Variants in MBP observed in about 807,000 individuals in gnomAD.
MBP encodes Golli-MBP.
Under a neutral mutation model 35.8 loss-of-function variants are expected in MBP, and 16 were observed. That is an observed-to-expected ratio of 0.45 (90% CI 0.30 to 0.68). The LOEUF (loss-of-function observed/expected upper bound fraction) is 0.68, where lower values mean the gene tolerates loss of function less well. Among genes scored for constraint, MBP ranks in the 30% least tolerant of loss-of-function variants. The pLI is 0.08. For missense variants in MBP, 380 were observed against 404.7 expected (o/e 0.94, Z 0.52); for synonymous variants, 143 against 159.6 (o/e 0.90, Z 0.78).
Position 76,989,618 on chromosome 18 carries a change from T to A in MBP, c.681+338A>T. 1 of 311,962 alleles carries A rather than the reference T, an allele frequency of 3.2e-6. No homozygotes were observed. The highest frequency in any genetic ancestry group is 6.1e-6 in the Non-Finnish European group (1 of 163,458). 19.3% of individuals were successfully genotyped at this position (311,962 alleles called of 1,614,324 possible). Reference sequence around the variant, plus strand: ...CCCTAAAAATGCCCTGTGCTCTCTCTGCTGCCCCCTCCGCTCCCAGCCCAT... The same window carrying A: ...CCCTAAAAATGCCCTGTGCTCTCTCAGCTGCCCCCTCCGCTCCCAGCCCAT... On this transcript the variant is annotated intron_variant, in intron 5 of 8. Transcript: ENST00000355994. The surrounding 1 kb of genome is among the most constrained non-coding windows in gnomAD (Gnocchi z 4.0).
intron 2 of MBP, among the ~76,000 whole-genome samples, chr18:77,099,348 C>T (rs796699743): frequency 3.9e-5 from 6 of 152,278 alleles, no homozygotes; most frequent in African/African-American, 1.4e-4. Flanking sequence ...CGTAGCCAGG[C>T]CACACTGCAC....
chr18:77,028,867 C>A (rs1483279536), intron 3 of MBP, among the ~76,000 whole-genome samples: 5 of 107,072 alleles, frequency 4.7e-5, no homozygotes, highest in Admixed American at 9.5e-5. Flanking sequence ...GGCGGCCGGG[C>A]AGAGGCGCTC....
At chr18:77,073,819 C>T (rs772761077) in intron 2 of MBP, among the ~76,000 whole-genome samples, 2 of 152,226 alleles carry the variant, frequency 1.3e-5, no homozygotes, top group Non-Finnish European at 2.9e-5. Flanking sequence ...TCAGCCAGCT[C>T]GATGGGTGTA....
At chr18:77,041,758 T>C (rs1331839106) in intron 3 of MBP, among the ~76,000 whole-genome samples, 33 of 119,606 alleles carry the variant, frequency 2.8e-4, no homozygotes, top group African/African-American at 9.7e-4. Flanking sequence ...AAGGGGAACA[T>C]CACACACTGG....
At chr18:76,986,429 C>A in intron 7 of MBP, 2 of 985,530 alleles carry the variant, frequency 2.0e-6, no homozygotes, top group South Asian at 9.4e-5. Flanking sequence ...TTCCAGAGCA[C>A]CTGGCTGCAC....
chr18:77,061,499 CACAA>C (rs1025125496), intron 3 of MBP, among the ~76,000 whole-genome samples: 9 of 152,172 alleles, frequency 5.9e-5, no homozygotes, highest in Admixed American at 3.3e-4. Context: ...GAAACCAAGA[CACAA>C]ACAGAGGAGT....
At chr18:77,077,357 C>CAAA (rs56002600) in intron 2 of MBP, among the ~76,000 whole-genome samples, 6,159 of 107,178 alleles carry the variant, frequency 0.057, 350 homozygotes, top group African/African-American at 0.12. Flanking sequence ...GACTCCGTCG[C>CAAA]AAAAAAAAAA....
intron 4 of MBP, chr18:77,009,922 G>A: frequency 1.3e-6 from 2 of 1,581,104 alleles, no homozygotes; most frequent in South Asian, 2.3e-5. Flanking sequence ...CTTTAGCCAG[G>A]GTACCTGCCG....
At chr18:77,000,740 C>T (rs1970585460) in intron 4 of MBP, among the ~76,000 whole-genome samples, 1 of 151,904 alleles carries the variant, frequency 6.6e-6, no homozygotes, top group African/African-American at 2.4e-5. Context: ...TTTTTTTATT[C>T]CCCTGCTTTC....
At chr18:77,019,841 C>A (rs1971919557) in intron 3 of MBP, among the ~76,000 whole-genome samples, 1 of 152,182 alleles carries the variant, frequency 6.6e-6, no homozygotes, top group Non-Finnish European at 1.5e-5. Context: ...GCGGAATCGG[C>A]TCCCGGTGGC....
chr18:76,991,379 C>T (rs1599483460), intron 4 of MBP, among the ~76,000 whole-genome samples: 1 of 152,056 alleles, frequency 6.6e-6, no homozygotes, highest in Admixed American at 6.5e-5. Flanking sequence ...AAGCCATGAG[C>T]GCCCGGGGGC....
chr18:77,015,243 C>A (rs1049776014), intron 4 of MBP: 1 of 983,910 alleles, frequency 1.0e-6, no homozygotes, highest in Non-Finnish European at 1.2e-6. Context: ...GTGATTTCAT[C>A]TTTTCTGCAC....
intron 4 of MBP, chr18:77,009,891 G>A (rs1451716621): frequency 1.9e-5 from 30 of 1,596,278 alleles, no homozygotes; most frequent in Non-Finnish European, 2.6e-5. Context: ...GGGCATGAGA[G>A]GGCAGAGGGC....
Position 76,988,878 on chromosome 18 carries a change from T to C in MBP, c.716A>G (p.Lys239Arg). Residue 239 changes from lysine to arginine, a missense_variant and splice_region_variant, in exon 6 of 9, where the codon AAG (lysine) becomes AGG (arginine). Coordinates refer to ENST00000355994, the MANE Select transcript of MBP (RefSeq NM_001025101.2). The surrounding 1 kb of genome is among the most constrained non-coding windows in gnomAD (Gnocchi z 5.2). ...AATCAAAACATTCCAAGGTCTTACC[T>C]TTCCCTGCGACGGGGGTGGTGTGCG... is the stretch of plus-strand genomic sequence containing the variant. ...TPRTPPPSQGKGRGLSLSRFS... is the reference protein window; with the variant it reads ...TPRTPPPSQGRGRGLSLSRFS... 1 of 1,613,676 alleles carries C rather than the reference T, an allele frequency of 6.2e-7. No homozygotes were observed. The highest frequency in any genetic ancestry group is 8.5e-7 in the Non-Finnish European group (1 of 1,179,726).
chr18:77,017,525 C>G (rs1288999187), intron 3 of MBP: 12 of 343,988 alleles, frequency 3.5e-5, no homozygotes, highest in Non-Finnish European at 5.8e-5. Context: ...CCAGGCTTCC[C>G]GATGAAGTCA....
rs867479401 is a variant in MBP at position 77,070,375 on chromosome 18, A to G, written c.52-3990T>C. 2.6e-5 allele frequency among the ~76,000 whole-genome samples: 4 copies of G among 152,326 alleles called. No individual in the cohort carries two copies. In the East Asian group the frequency reaches 7.7e-4, roughly 29 times the overall value. On this transcript the variant is annotated intron_variant, in intron 2 of 8. Transcript: ENST00000355994. ...AGCCTAAATATGTGGGAGCTGACCT[A>G]TGTAAGAATCTGTTTCTTATCCATA... is the stretch of plus-strand genomic sequence containing the variant.
At chr18:77,084,984 T>C (rs1441584656) in intron 2 of MBP, among the ~76,000 whole-genome samples, 1 of 140,016 alleles carries the variant, frequency 7.1e-6, no homozygotes, top group Non-Finnish European at 1.6e-5. Flanking sequence ...GAGAGAGAGA[T>C]TGATTCAGTG....
At chr18:77,105,446 T>C (rs1275408333) in intron 1 of MBP, among the ~76,000 whole-genome samples, 160 bp from the exon 2 acceptor site, 1 of 152,222 alleles carries the variant, frequency 6.6e-6, no homozygotes, top group African/African-American at 2.4e-5. Context: ...CCAAGTCATC[T>C]TATTAACACA....
intron 3 of MBP, among the ~76,000 whole-genome samples, chr18:77,054,418 G>A (rs1220785233): frequency 6.6e-6 from 1 of 152,222 alleles, no homozygotes; most frequent in African/African-American, 2.4e-5. Context: ...CGGGAGGGAG[G>A]GGCCGCAGGA....
Sources: allele counts gnomAD v4.1 joint callset (sites outside exome capture counted in the v4.1 genomes callset), GRCh38; gene constraint gnomAD v4.1.1; non-coding constraint Gnocchi (gnomAD v3.1); transcripts MANE v1.5; gene names NCBI Gene and HGNC (gene_info 2026-07-23, HGNC 2026-07-21).